KMT2A: variants seen among roughly 807,000 people sequenced by gnomAD.
KMT2A encodes the protein histone-lysine N-methyltransferase 2A.
Under a neutral mutation model 345.3 loss-of-function variants are expected in KMT2A, and 16 were observed. That is an observed-to-expected ratio of 0.05 (90% CI 0.03 to 0.07). KMT2A has a LOEUF of 0.07. KMT2A is among the 10% of genes least tolerant of loss of function. KMT2A has a pLI of 1.00. For missense variants in KMT2A, 3,272 were observed against 4,841.6 expected (o/e 0.68, Z 9.62); for synonymous variants, 1,599 against 1,778.6 (o/e 0.90, Z 2.54).
At chr11:118,477,944 C>T (rs1439655325) in intron 4 of KMT2A, 23 bp from the exon 5 acceptor site, 3 of 1,595,988 alleles carry the variant, frequency 1.9e-6, no homozygotes, top group Non-Finnish European at 2.6e-6. Flanking sequence ...TCCCTTGGAA[C>T]TAATGCCACA....
intron 8 of KMT2A, among the ~76,000 whole-genome samples, chr11:118,483,464 C>T (rs1163212658): frequency 2.0e-5 from 3 of 151,964 alleles, no homozygotes; most frequent in Non-Finnish European, 1.5e-5. Context: ...ACCCGGGGGG[C>T]GGAGCCTGCA....
Position 118,504,847 on chromosome 11 carries a change from T to C in KMT2A, c.8955T>C (p.Asp2985=), listed in dbSNP as rs1555047440. 1 of 1,614,018 alleles carries C rather than the reference T, an allele frequency of 6.2e-7. No homozygotes were observed. ...CAGCACTGCTGAGCCCAGGAGTAGATCCAACTCCTGAAGGCCACATGACTC... is the reference window on the plus strand; with the variant it reads ...CAGCACTGCTGAGCCCAGGAGTAGACCCAACTCCTGAAGGCCACATGACTC... ...SDPALLSPGV[D]PTPEGHMTPD... is the part of the protein sequence containing the mutation. The change falls in exon 27 of 36, where the codon GAT becomes GAC. Residue 2985 remains aspartate, a synonymous_variant. Coordinates refer to ENST00000534358, the MANE Select transcript of KMT2A (RefSeq NM_001197104.2). The surrounding 1 kb of genome is among the most constrained non-coding windows in gnomAD (Gnocchi z 6.4).
intron 1 of KMT2A, among the ~76,000 whole-genome samples, chr11:118,444,910 T>G (rs1472265880): frequency 6.6e-6 from 1 of 152,192 alleles, no homozygotes; most frequent in Non-Finnish European, 1.5e-5. Flanking sequence ...CCTCTGTTTC[T>G]TCATTTGTAA....
chr11:118,493,244 G>C lies in KMT2A; in HGVS notation c.5178+14G>C. 2 of 1,605,924 alleles carry C rather than the reference G, an allele frequency of 1.2e-6. No individual in the cohort carries two copies. Among genetic ancestry groups the C allele is most frequent in the Non-Finnish European group, 1.7e-6 (2 of 1,174,728 alleles). On this transcript the variant is annotated intron_variant, in intron 16 of 35. Transcript: ENST00000534358. This position sits in a 1 kb window ranked among gnomAD's most constrained non-coding sequence, Gnocchi z 5.8. ...TACACATCTGTGGTATGTTTCTACA[G>C]TGAGCCATCAGAATTTCTAGTGCCA...
At chr11:118,466,181 A>C (rs1282194208) in intron 1 of KMT2A, among the ~76,000 whole-genome samples, 1 of 152,076 alleles carries the variant, frequency 6.6e-6, no homozygotes, top group Non-Finnish European at 1.5e-5. Flanking sequence ...ATAATTTTAA[A>C]ATTAGCTGAG....
intron 5 of KMT2A, among the ~76,000 whole-genome samples, chr11:118,478,854 T>C (rs905867801): frequency 2.0e-5 from 3 of 152,130 alleles, no homozygotes; most frequent in Non-Finnish European, 4.4e-5. Context: ...ACTCCTAGGC[T>C]CCAGTGATCC....
chr11:118,494,173 A>G lies in KMT2A; in HGVS notation c.5179-115A>G. The G allele has an allele frequency of 3.1e-6, 2 of 650,014 alleles. No homozygotes were observed. The highest frequency in any genetic ancestry group is 5.6e-6 in the Non-Finnish European group (2 of 357,644). The allele number at this position is 650,014 out of a possible 1,614,324, so 40.3% of individuals were successfully genotyped here. ...GCCAAAGAGTATTATACCACATTAA[A>G]ATAGGGTGTGAGTTTTCTGTTGGAT... On this transcript the variant is annotated intron_variant, in intron 16 of 35. Coordinates refer to ENST00000534358, the MANE Select transcript of KMT2A (RefSeq NM_001197104.2). This position sits in a 1 kb window ranked among gnomAD's most constrained non-coding sequence, Gnocchi z 5.8.
intron 8 of KMT2A, 54 bp downstream of exon 8, chr11:118,482,549 G>T: frequency 7.6e-7 from 1 of 1,315,064 alleles, no homozygotes; most frequent in South Asian, 1.2e-5. Flanking sequence ...CTATTTTGTA[G>T]GGAAAAGCCT....
chr11:118,448,686 C>T (rs1334805518), intron 1 of KMT2A: 1 of 152,062 alleles, frequency 6.6e-6, no homozygotes, highest in South Asian at 2.1e-4. Flanking sequence ...TGAACTGATA[C>T]TAGATTTATT....
At chr11:118,469,636 T>A (rs950858123) in intron 2 of KMT2A, among the ~76,000 whole-genome samples, 42 of 152,256 alleles carry the variant, frequency 2.8e-4, no homozygotes, top group African/African-American at 8.9e-4. Flanking sequence ...ATGTATCTTT[T>A]GATGAAAATG....
intron 10 of KMT2A, among the ~76,000 whole-genome samples, chr11:118,486,207 A>G (rs1950226880): frequency 6.6e-6 from 1 of 152,224 alleles, no homozygotes; most frequent in Non-Finnish European, 1.5e-5. Context: ...TGTCCATGAC[A>G]TATCACTGAG....
chr11:118,490,347 A>C lies in KMT2A; in HGVS notation c.4696+98A>C. The C allele has an allele frequency of 7.8e-7, 1 of 1,281,692 alleles. No individual in the cohort carries two copies. Among genetic ancestry groups the C allele is most frequent in the East Asian group, 2.6e-5 (1 of 38,688 alleles). 79.4% of individuals were successfully genotyped at this position (1,281,692 alleles called of 1,614,324 possible). On this transcript the variant is annotated intron_variant, in intron 13 of 35. Transcript: ENST00000534358. This position sits in a 1 kb window ranked among gnomAD's most constrained non-coding sequence, Gnocchi z 4.2. ...TGAAATGAAATAAAAAGTCTCACAC[A>C]TTATGTCAAGGATACCATTTAGACA...
chr11:118,480,524 G>A (rs1555038933), intron 6 of KMT2A, among the ~76,000 whole-genome samples: 1 of 151,954 alleles, frequency 6.6e-6, no homozygotes, highest in East Asian at 1.9e-4. Flanking sequence ...GATCAACTTG[G>A]CATTAACTTT....
intron 3 of KMT2A, among the ~76,000 whole-genome samples, chr11:118,475,850 T>C (rs1950027887): frequency 6.6e-6 from 1 of 152,254 alleles, no homozygotes; most frequent in South Asian, 2.1e-4. Flanking sequence ...TTGGATGTTT[T>C]TGTGATAGGA....
chr11:118,493,310 A>C lies in KMT2A; in HGVS notation c.5178+80A>C. 8.8e-7 allele frequency: 1 copy of C among 1,131,448 alleles called. No homozygotes were observed. Among genetic ancestry groups the C allele is most frequent in the African/African-American group, 1.6e-5 (1 of 63,484 alleles). 70.1% of individuals were successfully genotyped at this position (1,131,448 alleles called of 1,614,324 possible). On this transcript the variant is annotated intron_variant, in intron 16 of 35. Coordinates refer to ENST00000534358, the MANE Select transcript of KMT2A (RefSeq NM_001197104.2). This position sits in a 1 kb window ranked among gnomAD's most constrained non-coding sequence, Gnocchi z 5.8. ...ACCTTTGGGGCATGAAACTGAGTAT[A>C]AGTAAATTTAAAAATGAATTGTATT...
chr11:118,448,394 A>G (rs1555027781), intron 1 of KMT2A: 2 of 152,184 alleles, frequency 1.3e-5, no homozygotes, highest in Non-Finnish European at 1.5e-5. Context: ...TAGTATTATA[A>G]AAGCCTCTGA....
rs1236264974 is a variant in KMT2A, at chr11:118,441,161, C to T, written c.432+4217C>T. 3.3e-5 allele frequency among the ~76,000 whole-genome samples: 5 copies of T among 151,848 alleles called. No individual in the cohort carries two copies. In the East Asian group the frequency reaches 5.8e-4, roughly 18 times the overall value. Reference sequence around the variant, plus strand: ...TTTCAAAAGTCAGAGTCAAGTGAGACGATTTGATAATTTTTGTTTTTTTTT... The same window carrying T: ...TTTCAAAAGTCAGAGTCAAGTGAGATGATTTGATAATTTTTGTTTTTTTTT... On this transcript the variant is annotated intron_variant, in intron 1 of 35. Coordinates refer to ENST00000534358, the MANE Select transcript of KMT2A (RefSeq NM_001197104.2).
rs1591379477 is a variant in KMT2A, at chr11:118,476,620, G to A, written c.3157-185G>A. 6.6e-6 allele frequency among the ~76,000 whole-genome samples: 1 copy of A among 151,818 alleles called. No individual in the cohort carries two copies. The highest frequency in any genetic ancestry group is 1.5e-5 in the Non-Finnish European group (1 of 67,948). On this transcript the variant is annotated intron_variant, in intron 3 of 35. Transcript: ENST00000534358. The surrounding 1 kb of genome is among the most constrained non-coding windows in gnomAD (Gnocchi z 4.1). ...ATTTTTTGATTAGAGGCCTTTTTTT[G>A]TGCTGCCAATTAGGATACAGTAATA... is the stretch of plus-strand genomic sequence containing the variant.
intron 1 of KMT2A, among the ~76,000 whole-genome samples, chr11:118,441,337 A>G (rs1294390604): frequency 3.3e-5 from 5 of 152,126 alleles, no homozygotes; most frequent in Non-Finnish European, 5.9e-5. Context: ...AGGAGGAGAA[A>G]TTTCAACTTG....
Sources: allele counts gnomAD v4.1 joint callset (sites outside exome capture counted in the v4.1 genomes callset), GRCh38; gene constraint gnomAD v4.1.1; non-coding constraint Gnocchi (gnomAD v3.1); transcripts MANE v1.5; gene names NCBI Gene and HGNC (gene_info 2026-07-23, HGNC 2026-07-21).